TRAM2: variants seen among roughly 807,000 people sequenced by gnomAD.
TRAM2 encodes translocating chain-associated membrane protein 2.
A neutral mutation model predicts 51.0 loss-of-function variants in TRAM2; 12 were observed. The observed-to-expected ratio is 0.24, with a 90% CI of 0.15 to 0.38. The LOEUF is 0.38. TRAM2 is among the 10% of genes least tolerant of loss of function. The pLI, the probability that TRAM2 is intolerant of heterozygous loss-of-function variation, is 1.00. For missense variants in TRAM2, 361 were observed against 462.0 expected (o/e 0.78, Z 2.00); for synonymous variants, 175 against 179.4 (o/e 0.98, Z 0.20).
At chr6:52,515,513 T>TA (rs1766531595) in intron 4 of TRAM2, among the ~76,000 whole-genome samples, 1 of 152,230 alleles carries the variant, frequency 6.6e-6, no homozygotes, top group Admixed American at 6.5e-5. Context: ...GCCAAGGTAG[T>TA]AAAACAGAGA....
Position 52,499,039 on chromosome 6 carries a change from C to T in TRAM2, c.*4158G>A, listed in dbSNP as rs997047040. 6 of 152,406 alleles carry T rather than the reference C, an allele frequency of 3.9e-5. No individual in the cohort carries two copies. The highest frequency in any genetic ancestry group is 1.4e-4 in the African/African-American group (6 of 41,546). 9.4% of individuals were successfully genotyped at this position (152,406 alleles called of 1,614,324 possible). Reference sequence around the variant, plus strand: ...CTCCATAAAAGAATGAGGCAGCTTTCACTGGGGAGAACTGGTCTTCAGCCT... The same window carrying T: ...CTCCATAAAAGAATGAGGCAGCTTTTACTGGGGAGAACTGGTCTTCAGCCT... On this transcript the variant is annotated 3_prime_UTR_variant, in exon 11 of 11. Coordinates refer to ENST00000182527, the MANE Select transcript of TRAM2 (RefSeq NM_012288.4).
rs1766112085 is a variant in TRAM2 at position 52,497,684 on chromosome 6, G to A, written c.*5513C>T. The A allele has an allele frequency of 6.6e-6, 1 of 151,694 alleles. No individual in the cohort carries two copies. The highest frequency in any genetic ancestry group is 2.4e-5 in the African/African-American group (1 of 41,050). 9.4% of individuals were successfully genotyped at this position (151,694 alleles called of 1,614,324 possible). A position where few individuals can be genotyped will look rare whatever the true frequency, so the allele number is the denominator to read the frequency against. ...GGCTAGAGTAGAAAACAGACACTTT[G>A]TCCACATTTGCATTATCAGTTGCTC... On this transcript the variant is annotated 3_prime_UTR_variant, in exon 11 of 11. Coordinates refer to ENST00000182527, the MANE Select transcript of TRAM2 (RefSeq NM_012288.4).
intron 1 of TRAM2, among the ~76,000 whole-genome samples, chr6:52,540,894 T>TCA (rs747289749): frequency 1.3e-5 from 2 of 152,084 alleles, no homozygotes; most frequent in Non-Finnish European, 2.9e-5. Flanking sequence ...AAGGGTCACA[T>TCA]CACACACACA....
At chr6:52,526,186 C>G (rs1002099987) in intron 2 of TRAM2, among the ~76,000 whole-genome samples, 5 of 123,348 alleles carry the variant, frequency 4.1e-5, no homozygotes, top group Admixed American at 3.1e-4. Flanking sequence ...CACACACACA[C>G]ACACACACAC....
chr6:52,505,542 C>T (rs912860435), intron 9 of TRAM2, 57 bp downstream of exon 9: 4 of 1,540,024 alleles, frequency 2.6e-6, no homozygotes, highest in Non-Finnish European at 3.5e-6. Context: ...TCTGCAAGGG[C>T]TGTGCCAAGT....
chr6:52,516,674 A>G lies in TRAM2; in HGVS notation c.248T>C (p.Phe83Ser), dbSNP rs1766555759. The change falls in exon 3 of 11, where the codon TTC becomes TCC. Residue 83 changes from phenylalanine to serine, a missense_variant. Phe to Ser is a radical substitution (Grantham distance 155). Coordinates refer to ENST00000182527, the MANE Select transcript of TRAM2 (RefSeq NM_012288.4). ...KDLVTILFYI[F>S]ITIILHAVVQ... Reference sequence around the variant, plus strand: ...CACAGCATGCAAGATGATGGTGATGAAGATGTAGAACAAGATTGTGACCAG... The same window carrying G: ...CACAGCATGCAAGATGATGGTGATGGAGATGTAGAACAAGATTGTGACCAG... 2 of 1,614,070 alleles carry G rather than the reference A, an allele frequency of 1.2e-6. No homozygotes were observed. Among genetic ancestry groups the G allele is most frequent in the African/African-American group, 2.7e-5 (2 of 74,922 alleles).
intron 1 of TRAM2, 124 bp from the exon 2 acceptor site, chr6:52,535,970 T>C: frequency 1.4e-6 from 1 of 710,130 alleles, no homozygotes; most frequent in Non-Finnish European, 2.3e-6. Flanking sequence ...CGGTTCTGCC[T>C]AATGCAGAGT....
intron 1 of TRAM2, among the ~76,000 whole-genome samples, chr6:52,566,458 C>A (rs1307140337): frequency 6.6e-6 from 1 of 152,142 alleles, no homozygotes; most frequent in Non-Finnish European, 1.5e-5. Flanking sequence ...CCCCAGCCTC[C>A]TAACCAGACT....
Position 52,500,152 on chromosome 6 carries a change from T to C in TRAM2, c.*3045A>G, listed in dbSNP as rs1476840385. 1 of 152,234 alleles carries C rather than the reference T, an allele frequency of 6.6e-6. No individual in the cohort carries two copies. The highest frequency in any genetic ancestry group is 1.5e-5 in the Non-Finnish European group (1 of 68,096). 9.4% of individuals were successfully genotyped at this position (152,234 alleles called of 1,614,324 possible). A position where few individuals can be genotyped will look rare whatever the true frequency, so the allele number is the denominator to read the frequency against. On this transcript the variant is annotated 3_prime_UTR_variant, in exon 11 of 11. Transcript: ENST00000182527. Reference sequence around the variant, plus strand: ...CAGTTGCTGGGGTAGGTTTACGTCTTTTCTCCTGCTCTTGGTGCATGGTGC... The same window carrying C: ...CAGTTGCTGGGGTAGGTTTACGTCTCTTCTCCTGCTCTTGGTGCATGGTGC...
Position 52,572,746 on chromosome 6 carries a change from G to A in TRAM2, c.120+4050C>T, listed in dbSNP as rs139387616. On this transcript the variant is annotated intron_variant, in intron 1 of 10. Transcript: ENST00000182527. ...CACATTTCAGGTTATGATGCCTACAGGTATGTCTGGGAGGATATGAACCAG... is the reference window on the plus strand; with the variant it reads ...CACATTTCAGGTTATGATGCCTACAAGTATGTCTGGGAGGATATGAACCAG... Among the ~76,000 whole-genome samples, 99 of 152,302 alleles carry A rather than the reference G, an allele frequency of 6.5e-4. No individual in the cohort carries two copies. The East Asian group carries it at 0.018, about 27-fold the overall frequency.
intron 1 of TRAM2, among the ~76,000 whole-genome samples, chr6:52,557,914 G>A (rs1451881389): frequency 1.3e-5 from 2 of 152,140 alleles, no homozygotes; most frequent in Admixed American, 1.3e-4. Flanking sequence ...ACAAAATGAA[G>A]AAAAGGCACT....
chr6:52,547,648 A>G (rs188140573), intron 1 of TRAM2, among the ~76,000 whole-genome samples: 4 of 152,316 alleles, frequency 2.6e-5, no homozygotes, highest in Admixed American at 2.6e-4. Context: ...ACTTTCATTC[A>G]TTTCTCTAGA....
intron 1 of TRAM2, among the ~76,000 whole-genome samples, chr6:52,550,100 A>G (rs1378430122): frequency 6.6e-6 from 1 of 152,182 alleles, no homozygotes; most frequent in African/African-American, 2.4e-5. Flanking sequence ...GGAGTACTTC[A>G]GTGGGCTTCC....
intron 1 of TRAM2, among the ~76,000 whole-genome samples, chr6:52,544,196 A>G (rs988832781): frequency 4.6e-5 from 7 of 152,214 alleles, no homozygotes; most frequent in Non-Finnish European, 1.5e-5. Flanking sequence ...GAAGCCTTCA[A>G]ATTCCTCTGG....
chr6:52,541,803 G>GTTTCTTTTTTTTTT (rs1767086335), intron 1 of TRAM2, among the ~76,000 whole-genome samples: 1 of 138,700 alleles, frequency 7.2e-6, no homozygotes, highest in Admixed American at 7.1e-5. Context: ...AGTTTATTCT[G>GTTTCTTTTTTTTTT]TTTTTTTTTT....
rs1006728867 is a variant in TRAM2 at position 52,521,496 on chromosome 6, A to T, written c.185-4759T>A. Among the ~76,000 whole-genome samples, 7 of 151,786 alleles carry T rather than the reference A, an allele frequency of 4.6e-5. No individual in the cohort carries two copies. In the East Asian group the frequency reaches 1.4e-3, roughly 30 times the overall value. On this transcript the variant is annotated intron_variant, in intron 2 of 10. Coordinates refer to ENST00000182527, the MANE Select transcript of TRAM2 (RefSeq NM_012288.4). ...ATCAAGAGATCAGGAGCTCGAGACC[A>T]TCCTGGCTAACATGGTGAAACCCCC...
In TRAM2 at chr6:52,569,506, C is replaced by T. The variant is rs535761569; in HGVS notation, c.120+7290G>A. On this transcript the variant is annotated intron_variant, in intron 1 of 10. Coordinates refer to ENST00000182527, the MANE Select transcript of TRAM2 (RefSeq NM_012288.4). ...ATGCAATAACGTATGTATAAGGGTA[C>T]AAACTGTGCCTCACAAGGTATCTAA... is the stretch of plus-strand genomic sequence containing the variant. 1.2e-3 allele frequency among the ~76,000 whole-genome samples: 186 copies of T among 151,622 alleles called. 1 individual carries two copies. The highest frequency in any genetic ancestry group is 2.3e-3 in the Non-Finnish European group (158 of 67,946).
rs575310285 is a variant in TRAM2, at chr6:52,546,021, C to A, written c.121-10175G>T. Among the ~76,000 whole-genome samples the A allele has an allele frequency of 2.1e-3, 325 of 152,280 alleles. 4 individuals are homozygous for A. The highest frequency in any genetic ancestry group is 3.3e-3 in the Non-Finnish European group (222 of 68,018). On this transcript the variant is annotated intron_variant, in intron 1 of 10. Transcript: ENST00000182527. ...CAACACAACAGAATCATCATTCTCACAGGGCAAGTACAGGCGGTTCAGGAT... is the reference window on the plus strand; with the variant it reads ...CAACACAACAGAATCATCATTCTCAAAGGGCAAGTACAGGCGGTTCAGGAT...
At chr6:52,575,506 A>C (rs1488535972) in intron 1 of TRAM2, among the ~76,000 whole-genome samples, 2 of 151,680 alleles carry the variant, frequency 1.3e-5, no homozygotes, top group Non-Finnish European at 2.9e-5. Context: ...TACAGACCCT[A>C]AAGCTCAGCC....
Sources: allele counts gnomAD v4.1 joint callset (sites outside exome capture counted in the v4.1 genomes callset), GRCh38; gene constraint gnomAD v4.1.1; transcripts MANE v1.5; gene names NCBI Gene and HGNC (gene_info 2026-07-23, HGNC 2026-07-21).